The following TEKT5 variants were observed in gnomAD, a reference collection of about 807,000 sequenced individuals.
TEKT5 encodes the protein tektin-5.
Under a neutral mutation model 48.7 loss-of-function variants are expected in TEKT5, and 52 were observed. The observed-to-expected ratio is 1.07, with a 90% CI of 0.86 to 1.35. TEKT5 has a LOEUF of 1.35. Among genes scored for constraint, TEKT5 ranks in the 40% most tolerant of loss-of-function variants. The pLI is 0.00. For synonymous variants in TEKT5, 318 were observed against 267.6 expected, an observed-to-expected ratio of 1.19 and a Z score of -1.84; for missense variants, 831 against 641.6, an observed-to-expected ratio of 1.30 and a Z score of -3.19.
intron 5 of TEKT5, among the ~76,000 whole-genome samples, chr16:10,674,820 T>C (rs946464459): frequency 3.3e-5 from 5 of 150,236 alleles, no homozygotes; most frequent in Admixed American, 3.3e-4. Flanking sequence ...AAGGGCACAG[T>C]TCTTATTTTT....
At position 10,659,441 on chromosome 16, in the gene TEKT5, G is replaced by A. The variant is rs527597947; in HGVS notation, c.1086+16518C>T. Among the ~76,000 whole-genome samples the A allele has an allele frequency of 2.6e-5, 4 of 152,258 alleles. No individual in the cohort carries two copies. The East Asian group carries it at 7.7e-4, about 29-fold the overall frequency. On this transcript the variant is annotated intron_variant, in intron 5 of 6. Coordinates refer to ENST00000283025, the MANE Select transcript of TEKT5 (RefSeq NM_144674.2). ...GTCACACAGGCTGGAGTGCAGTGGT[G>A]CAATCTCGGCTCACTGCAAGCTCTG...
chr16:10,658,246 G>C (rs947401403), intron 5 of TEKT5, among the ~76,000 whole-genome samples: 6 of 152,130 alleles, frequency 3.9e-5, no homozygotes, highest in African/African-American at 1.4e-4. Flanking sequence ...CACTCTATGA[G>C]CCAGGGATTC....
chr16:10,636,690 C>CGTGTGTGTGTGT (rs34623422), intron 5 of TEKT5, among the ~76,000 whole-genome samples: 46 of 145,284 alleles, frequency 3.2e-4, no homozygotes, highest in African/African-American at 9.9e-4. Flanking sequence ...TACATACATA[C>CGTGTGTGTGTGT]GTGTGTGTGT....
chr16:10,663,409 G>A (rs1342179396), intron 5 of TEKT5, among the ~76,000 whole-genome samples: 1 of 152,162 alleles, frequency 6.6e-6, no homozygotes, highest in East Asian at 1.9e-4. Flanking sequence ...CAAATTTATT[G>A]TTTTCCAAAT....
chr16:10,654,924 T>C (rs1482321853), intron 5 of TEKT5, among the ~76,000 whole-genome samples: 94 of 44,876 alleles, frequency 2.1e-3, no homozygotes, highest in Admixed American at 4.3e-3. Context: ...CTGTCCTGTC[T>C]CCCCCCCCTC....
At chr16:10,693,891 A>T (rs978976026) in intron 1 of TEKT5, among the ~76,000 whole-genome samples, 6 of 152,038 alleles carry the variant, frequency 3.9e-5, no homozygotes, top group African/African-American at 1.4e-4. Flanking sequence ...AGTCGCTTGA[A>T]CCCAGGAGGC....
rs563326798 is a variant in TEKT5, at chr16:10,657,868, G to A, written c.1086+18091C>T. Among the ~76,000 whole-genome samples, 8 of 151,352 alleles carry A rather than the reference G, an allele frequency of 5.3e-5. No homozygotes were observed. In the East Asian group the frequency reaches 7.8e-4, roughly 15 times the overall value. On this transcript the variant is annotated intron_variant, in intron 5 of 6. Transcript: ENST00000283025. ...GCCCGGCTCGGCCTCCCAAAGTGCC[G>A]GGATTACAGGCGTGAACCACTGCGC...
intron 3 of TEKT5, among the ~76,000 whole-genome samples, chr16:10,684,555 G>A (rs1214081258): frequency 6.6e-6 from 1 of 152,142 alleles, no homozygotes; most frequent in African/African-American, 2.4e-5. Context: ...GGGGCCCTTG[G>A]GGTTTCCAAA....
intron 3 of TEKT5, among the ~76,000 whole-genome samples, chr16:10,683,150 A>C (rs1022484215): frequency 3.3e-5 from 5 of 151,384 alleles, no homozygotes; most frequent in Non-Finnish European, 7.4e-5. Context: ...AAGGTGTCTG[A>C]GCTGGGTTTT....
At position 10,694,533 on chromosome 16, in the gene TEKT5, C is replaced by T. The variant is rs376875323; in HGVS notation, c.341G>A (p.Arg114Gln). 52 of 1,607,562 alleles carry T rather than the reference C, an allele frequency of 3.2e-5. No homozygotes were observed. In the East Asian group the frequency reaches 4.5e-4, roughly 14 times the overall value. ...GAEASRLWASRLTDDSMRLLQ... is the reference protein window; with the variant it reads ...GAEASRLWASQLTDDSMRLLQ... ...GAGCCTCATGGAGTCATCCGTCAGC[C>T]GGCTGGCCCACAGCCGGGAGGCCTC... The change falls in exon 1 of 7, where the codon CGG (arginine) becomes CAG (glutamine). Residue 114 changes from arginine (R) to glutamine (Q), a missense_variant. By Grantham distance (43) the Arg-to-Gln change is conservative. Transcript: ENST00000283025.
At chr16:10,693,909 G>A (rs1184674131) in intron 1 of TEKT5, among the ~76,000 whole-genome samples, 5 of 152,178 alleles carry the variant, frequency 3.3e-5, no homozygotes, top group South Asian at 4.1e-4. Flanking sequence ...GGCGGAAGTC[G>A]CAGCGAGCCA....
At chr16:10,668,758 G>A (rs148645020) in intron 5 of TEKT5, among the ~76,000 whole-genome samples, 1 of 152,306 alleles carries the variant, frequency 6.6e-6, no homozygotes, top group African/African-American at 2.4e-5. Flanking sequence ...TCTCTGTTCT[G>A]TTCAACCTCT....
intron 6 of TEKT5, among the ~76,000 whole-genome samples, chr16:10,633,811 G>A (rs976489246): frequency 5.3e-5 from 8 of 152,078 alleles, no homozygotes; most frequent in Non-Finnish European, 8.8e-5. Flanking sequence ...CTTCCAAAGT[G>A]GGAGGGACCC....
chr16:10,682,141 AG>A lies in TEKT5; in HGVS notation c.720-6del. ...TGCTGAGCATCCCGGTTATCCCTGC[AG>A]GGAGGGAGGAGTCATTCCTGGACTA... On this transcript the variant is annotated splice_polypyrimidine_tract_variant and splice_region_variant and intron_variant, in intron 3 of 6. Transcript: ENST00000283025. The A allele has an allele frequency of 6.2e-7, 1 of 1,613,820 alleles. No individual in the cohort carries two copies. The highest frequency in any genetic ancestry group is 1.1e-5 in the South Asian group (1 of 91,050).
intron 3 of TEKT5, among the ~76,000 whole-genome samples, chr16:10,686,427 A>G (rs1165412343): frequency 6.6e-6 from 1 of 151,692 alleles, no homozygotes; most frequent in Non-Finnish European, 1.5e-5. Flanking sequence ...ACTGCACTCC[A>G]GCCTGGGTGA....
At chr16:10,628,308 G>A (rs1217078759) in intron 6 of TEKT5, among the ~76,000 whole-genome samples, 1 of 152,210 alleles carries the variant, frequency 6.6e-6, no homozygotes, top group Non-Finnish European at 1.5e-5. Flanking sequence ...ACTGTCAAGG[G>A]TAATGTACAC....
intron 5 of TEKT5, among the ~76,000 whole-genome samples, chr16:10,655,892 G>C (rs994481001): frequency 3.3e-5 from 5 of 152,330 alleles, no homozygotes; most frequent in African/African-American, 1.2e-4. Context: ...TTTTATGTGA[G>C]AGGAAAGTAG....
chr16:10,649,854 A>G (rs1898125254), intron 5 of TEKT5, among the ~76,000 whole-genome samples: 1 of 152,206 alleles, frequency 6.6e-6, no homozygotes, highest in Non-Finnish European at 1.5e-5. Context: ...TGGTACGTAG[A>G]TAATGCAGGT....
intron 5 of TEKT5, among the ~76,000 whole-genome samples, chr16:10,637,077 G>C (rs1368213970): frequency 6.6e-6 from 1 of 151,354 alleles, no homozygotes; most frequent in African/African-American, 2.4e-5. Context: ...CGCCTCCGGG[G>C]TTCACGCCAT....
Sources: gnomAD v4.1 joint callset for allele counts (sites outside exome capture counted in the v4.1 genomes callset) on GRCh38, gnomAD v4.1.1 for gene constraint, MANE v1.5 for transcripts, NCBI Gene and HGNC (gene_info 2026-07-23, HGNC 2026-07-21) for gene names.